NUCB1: variants seen among roughly 807,000 people sequenced by gnomAD.
NUCB1 encodes nucleobindin 1.
NUCB1 carries 47 observed loss-of-function variants against 61.2 expected under a neutral mutation model. The ratio of observed to expected loss-of-function variants is 0.77; its 90% CI spans 0.61 to 0.98. The LOEUF (loss-of-function observed/expected upper bound fraction) is 0.98, where lower values mean the gene tolerates loss of function less well. Ranked by LOEUF, NUCB1 falls within the 50% of genes least tolerant of loss-of-function variation. The probability of loss-of-function intolerance (pLI) is 0.00; values close to 1 mark genes in which losing one functional copy is unlikely to be tolerated. For synonymous variants in NUCB1, 234 were observed against 243.1 expected, an observed-to-expected ratio of 0.96 and a Z score of 0.35; for missense variants, 583 against 605.3, an observed-to-expected ratio of 0.96 and a Z score of 0.39.
intron 7 of NUCB1, among the ~76,000 whole-genome samples, chr19:48,917,107 C>T (rs1200589160): frequency 2.6e-5 from 4 of 151,862 alleles, no homozygotes; most frequent in Non-Finnish European, 5.9e-5. Context: ...TCTGTAGTCC[C>T]AGCTACTTGG....
chr19:48,910,507 G>A (rs1171237092), intron 4 of NUCB1, among the ~76,000 whole-genome samples: 1 of 151,754 alleles, frequency 6.6e-6, no homozygotes, highest in Non-Finnish European at 1.5e-5. Flanking sequence ...CCAACATGGT[G>A]AAACCCTGTT....
intron 4 of NUCB1, among the ~76,000 whole-genome samples, chr19:48,908,721 G>GT (rs2037439657): frequency 9.1e-6 from 1 of 109,328 alleles, no homozygotes; most frequent in Admixed American, 9.9e-5. Context: ...TTGACCAAGG[G>GT]GTGTGTGTGT....
chr19:48,910,475 C>T (rs573007550), intron 4 of NUCB1, among the ~76,000 whole-genome samples: 1 of 151,694 alleles, frequency 6.6e-6, no homozygotes, highest in African/African-American at 2.4e-5. Context: ...CACCTGAGGT[C>T]AGGAGTTCAA....
chr19:48,921,223 G>C lies in NUCB1; in HGVS notation c.1072G>C (p.Glu358Gln), dbSNP rs149527823. Residue 358 changes from glutamate to glutamine, a missense_variant, in exon 11 of 13, where the codon GAG (glutamate) becomes CAG (glutamine). Coordinates refer to ENST00000405315, the MANE Select transcript of NUCB1 (RefSeq NM_006184.6). Reference sequence around the variant, plus strand: ...CTTTGAAGAGGAGCTGGCTGCCCGGGAGGCAGAGCTGAATGCCAAGGCCCA... The same window carrying C: ...CTTTGAAGAGGAGCTGGCTGCCCGGCAGGCAGAGCTGAATGCCAAGGCCCA... Reference protein sequence around the residue: ...RRFEEELAAREAELNAKAQRL... With the variant: ...RRFEEELAARQAELNAKAQRL... The C allele has an allele frequency of 1.2e-6, 2 of 1,613,196 alleles. No individual in the cohort carries two copies. The highest frequency in any genetic ancestry group is 2.7e-5 in the African/African-American group (2 of 74,952).
intron 4 of NUCB1, among the ~76,000 whole-genome samples, chr19:48,908,156 A>G (rs2037431941): frequency 6.6e-6 from 1 of 152,064 alleles, no homozygotes; most frequent in Non-Finnish European, 1.5e-5. Context: ...TTTGAGACAG[A>G]GTCTCACTCT....
chr19:48,915,827 T>G lies in NUCB1; in HGVS notation c.757+2263T>G, dbSNP rs368191010. On this transcript the variant is annotated intron_variant, in intron 7 of 12. Coordinates refer to ENST00000405315, the MANE Select transcript of NUCB1 (RefSeq NM_006184.6). Reference sequence around the variant, plus strand: ...CACCCCCCGTGTTTTGTTTTGTTTTTTTTTTGAGACAGGATCTTGCTATGT... The same window carrying G: ...CACCCCCCGTGTTTTGTTTTGTTTTGTTTTTGAGACAGGATCTTGCTATGT... 1.2e-4 allele frequency among the ~76,000 whole-genome samples: 18 copies of G among 152,070 alleles called. No individual in the cohort carries two copies. The South Asian group carries it at 1.9e-3, about 16-fold the overall frequency.
At chr19:48,912,975 G>C (rs781144104) in intron 5 of NUCB1, 36 bp from the exon 6 acceptor site, 23 of 1,519,382 alleles carry the variant, frequency 1.5e-5, no homozygotes, top group Non-Finnish European at 2.0e-5. Context: ...GCTGGGCAGA[G>C]GGGGCAGAGG....
intron 10 of NUCB1, 44 bp downstream of exon 10, chr19:48,919,330 T>G: frequency 1.4e-6 from 2 of 1,443,548 alleles, no homozygotes; most frequent in Non-Finnish European, 1.9e-6. Flanking sequence ...CTCTCTCTCT[T>G]CTAGCCATGA....
chr19:48,921,916 G>A lies in NUCB1; in HGVS notation c.1263G>A (p.Lys421=). Residue 421 remains lysine (K), a synonymous_variant, in exon 12 of 13, where the codon AAG becomes AAA. Transcript: ENST00000405315. ...CTGCCCACCCTGAGGGGCAGCTCAA[G>A]TTCCACCCAGACACAGGTGCTGGCC... is the stretch of plus-strand genomic sequence containing the variant. ...APAAHPEGQL[K]FHPDTDDVPV... 1.2e-6 allele frequency: 2 copies of A among 1,603,932 alleles called. No individual in the cohort carries two copies. The highest frequency in any genetic ancestry group is 1.7e-6 in the Non-Finnish European group (2 of 1,175,826).
chr19:48,919,761 A>ATTT (rs869087543), intron 10 of NUCB1, among the ~76,000 whole-genome samples: 53 of 81,022 alleles, frequency 6.5e-4, no homozygotes, highest in African/African-American at 2.3e-3. Context: ...TAGAGGTGTG[A>ATTT]TTTTTTTTTT....
Position 48,905,779 on chromosome 19 carries a change from C to T in NUCB1, c.270C>T (p.Asp90=). 6.2e-7 allele frequency: 1 copy of T among 1,614,100 alleles called. No individual in the cohort carries two copies. Among genetic ancestry groups the T allele is most frequent in the Non-Finnish European group, 8.5e-7 (1 of 1,180,042 alleles). The change falls in exon 4 of 13, where the codon GAC becomes GAT. Residue 90 remains aspartate (D), a synonymous_variant. Coordinates refer to ENST00000405315, the MANE Select transcript of NUCB1 (RefSeq NM_006184.6). The stretch of plus-strand genomic sequence containing the variant: ...GCGGGAAGCTGAGCCGAGAGCTGGA[C>T]TTTGTCAGCCACCACGTCCGCACCA... ...IKSGKLSREL[D]FVSHHVRTKL... is the part of the protein sequence containing the mutation.
intron 10 of NUCB1, among the ~76,000 whole-genome samples, chr19:48,919,961 G>C (rs887834471): frequency 2.0e-5 from 3 of 151,670 alleles, no homozygotes. Context: ...TAGAGATGGG[G>C]TTTTGCCATA....
intron 7 of NUCB1, among the ~76,000 whole-genome samples, chr19:48,917,876 C>T (rs1263077860): frequency 3.0e-5 from 4 of 133,644 alleles, no homozygotes; most frequent in Non-Finnish European, 6.3e-5. Flanking sequence ...TTAATGTGCT[C>T]AAATGATCTT....
chr19:48,908,648 C>CGTGTGTGTGT (rs58211997), intron 4 of NUCB1, among the ~76,000 whole-genome samples: 4,420 of 86,488 alleles, frequency 0.051, 279 homozygotes, highest in East Asian at 0.093. Context: ...TCTAGCTGCC[C>CGTGTGTGTGT]GTGTGTGTGT....
At chr19:48,918,694 CCT>C (rs751673598) in intron 7 of NUCB1, 30 bp from the exon 8 acceptor site, 4 of 1,594,396 alleles carry the variant, frequency 2.5e-6, no homozygotes, top group South Asian at 1.1e-5. Flanking sequence ...TCCTCGGTCC[CCT>C]GAGATACCTT....
intron 7 of NUCB1, among the ~76,000 whole-genome samples, chr19:48,913,833 T>C (rs952073859): frequency 3.9e-5 from 6 of 152,190 alleles, no homozygotes; most frequent in Admixed American, 3.9e-4. Context: ...CAGGCTTGGC[T>C]AGGCCTGGGC....
At position 48,900,931 on chromosome 19, in the gene NUCB1, C is replaced by G. The variant is rs1454115412; in HGVS notation, c.135C>G (p.Pro45=). ...AGGAGACCCCTGCGACTGAGAGTCCCGTGAGTGGCCCTGCCCTGCTATCCA... is the reference window on the plus strand; with the variant it reads ...AGGAGACCCCTGCGACTGAGAGTCCGGTGAGTGGCCCTGCCCTGCTATCCA... ...NKEETPATES[P]DTGLYYHRYL... Residue 45 remains proline, a splice_region_variant and synonymous_variant, in exon 2 of 13, where the codon CCC becomes CCG. Coordinates refer to ENST00000405315, the MANE Select transcript of NUCB1 (RefSeq NM_006184.6). 1.2e-6 allele frequency: 2 copies of G among 1,613,804 alleles called. No individual in the cohort carries two copies. Among genetic ancestry groups the G allele is most frequent in the South Asian group, 1.1e-5 (1 of 91,078 alleles).
intron 4 of NUCB1, 186 bp from the exon 5 acceptor site, chr19:48,910,963 T>C (rs1006550514): frequency 1.5e-5 from 8 of 541,768 alleles, no homozygotes; most frequent in Non-Finnish European, 2.3e-5. Flanking sequence ...TTATGGTTAT[T>C]ATTGTAAGCA....
chr19:48,900,584 G>A (rs143922167), intron 1 of NUCB1: 8,550 of 641,994 alleles, frequency 0.013, 80 homozygotes, highest in Non-Finnish European at 0.018. Context: ...TGGGAGCCAG[G>A]ACCCCTGGGT....
Sources: allele counts gnomAD v4.1 joint callset (sites outside exome capture counted in the v4.1 genomes callset), GRCh38; gene constraint gnomAD v4.1.1; transcripts MANE v1.5; gene names NCBI Gene and HGNC (gene_info 2026-07-23, HGNC 2026-07-21).